Variants in SLC35B3 observed in about 807,000 individuals in gnomAD.
SLC35B3 encodes the protein adenosine 3'-phospho 5'-phosphosulfate transporter 2.
In SLC35B3, 35 loss-of-function variants were observed where a neutral mutation model predicts 44.1. The observed-to-expected ratio is 0.79, with a 90% confidence interval of 0.61 to 1.05. The LOEUF (loss-of-function observed/expected upper bound fraction) is 1.05. Among genes scored for constraint, SLC35B3 ranks in the 50% least tolerant of loss-of-function variants. The probability of loss-of-function intolerance (pLI) is 0.00; values close to 1 mark genes in which losing one functional copy is unlikely to be tolerated. For missense variants in SLC35B3, 414 were observed against 476.4 expected, an observed-to-expected ratio of 0.87 and a Z score of 1.22; for synonymous variants, 146 against 167.3, an observed-to-expected ratio of 0.87 and a Z score of 0.98.
intron 2 of SLC35B3, among the ~76,000 whole-genome samples, chr6:8,431,821 G>T (rs1013534841): frequency 6.6e-6 from 1 of 152,092 alleles, no homozygotes; most frequent in African/African-American, 2.4e-5. Flanking sequence ...TGGATATAGT[G>T]CACCATTCAA....
rs144747158 is a variant in SLC35B3, at chr6:8,417,462, G to A, written c.813C>T (p.Tyr271=). 773 of 1,603,824 alleles carry A rather than the reference G, an allele frequency of 4.8e-4. 4 individuals are homozygous for A. In the African/African-American group the frequency reaches 9.6e-3, roughly 20 times the overall value. ...TAGTGCATGTCAATCCCAGTAAAAT[G>A]TATACAAAACCAATTGAATACGAAT... Residue 271 remains tyrosine (Y), a synonymous_variant, in exon 8 of 11, where the codon TAC becomes TAT. Coordinates refer to ENST00000644923, the MANE Select transcript of SLC35B3 (RefSeq NM_001370476.2).
In SLC35B3 at chr6:8,432,370, CCTG is replaced by C. The variant is rs983620488; in HGVS notation, c.3+2012_3+2014del. ...AAACTTCTAGAAAATATCTTTCTTT[CCTG>C]CTTTTATTGGCATCAAAACATTTCT... On this transcript the variant is annotated intron_variant, in intron 2 of 10. Coordinates refer to ENST00000644923, the MANE Select transcript of SLC35B3 (RefSeq NM_001370476.2). This position sits in a 1 kb window ranked among gnomAD's most constrained non-coding sequence, Gnocchi z 4.8. Among the ~76,000 whole-genome samples the C allele has an allele frequency of 1.3e-5, 2 of 152,056 alleles. No homozygotes were observed. The highest frequency in any genetic ancestry group is 2.9e-5 in the Non-Finnish European group (2 of 68,032).
At position 8,432,792 on chromosome 6, in the gene SLC35B3, G is replaced by A. The variant is rs1481300599; in HGVS notation, c.3+1593C>T. Reference sequence around the variant, plus strand: ...TTAGAAATATTGCTAGGGTGATATGGTGTGCTCAAGCTGACTCACCCCTTT... The same window carrying A: ...TTAGAAATATTGCTAGGGTGATATGATGTGCTCAAGCTGACTCACCCCTTT... On this transcript the variant is annotated intron_variant, in intron 2 of 10. Coordinates refer to ENST00000644923, the MANE Select transcript of SLC35B3 (RefSeq NM_001370476.2). This position sits in a 1 kb window ranked among gnomAD's most constrained non-coding sequence, Gnocchi z 4.8. 6.6e-6 allele frequency among the ~76,000 whole-genome samples: 1 copy of A among 152,138 alleles called. No homozygotes were observed. The highest frequency in any genetic ancestry group is 1.5e-5 in the Non-Finnish European group (1 of 68,026).
chr6:8,434,344 A>G lies in SLC35B3; in HGVS notation c.3+41T>C. The G allele has an allele frequency of 6.3e-7, 1 of 1,592,070 alleles. No individual in the cohort carries two copies. The highest frequency in any genetic ancestry group is 8.6e-7 in the Non-Finnish European group (1 of 1,161,374). ...AACCTGAAAAAACGTGATTTTAACT[A>G]TACTTTGCCACACTCAACGTTACAA... is the stretch of plus-strand genomic sequence containing the variant. On this transcript the variant is annotated intron_variant, in intron 2 of 10. Coordinates refer to ENST00000644923, the MANE Select transcript of SLC35B3 (RefSeq NM_001370476.2). The surrounding 1 kb of genome is among the most constrained non-coding windows in gnomAD (Gnocchi z 6.3).
chr6:8,428,255 A>T (rs1763627023), intron 3 of SLC35B3, among the ~76,000 whole-genome samples, 197 bp from the exon 3 acceptor site: 1 of 152,120 alleles, frequency 6.6e-6, no homozygotes, highest in Admixed American at 6.5e-5. Flanking sequence ...GATGATATAA[A>T]CCTTCTTCTT....
Position 8,432,853 on chromosome 6 carries a change from C to T in SLC35B3, c.3+1532G>A, listed in dbSNP as rs576997436. Among the ~76,000 whole-genome samples, 6 of 152,278 alleles carry T rather than the reference C, an allele frequency of 3.9e-5. No homozygotes were observed. Among genetic ancestry groups the T allele is most frequent in the African/African-American group, 9.6e-5 (4 of 41,556 alleles). On this transcript the variant is annotated intron_variant, in intron 2 of 10. Coordinates refer to ENST00000644923, the MANE Select transcript of SLC35B3 (RefSeq NM_001370476.2). The surrounding 1 kb of genome is among the most constrained non-coding windows in gnomAD (Gnocchi z 4.8). ...TGGAAATACAGACCTGAATTTCCAA[C>T]GCTGCCTTCTCTCCTGAGATCCAGA...
At position 8,413,654 on chromosome 6, in the gene SLC35B3, A is replaced by G; in HGVS notation, c.1101T>C (p.Asn367=). The G allele has an allele frequency of 1.9e-6, 3 of 1,585,144 alleles. No homozygotes were observed. Among genetic ancestry groups the G allele is most frequent in the Non-Finnish European group, 2.6e-6 (3 of 1,159,258 alleles). The change falls in exon 11 of 11, where the codon AAT becomes AAC. Residue 367 remains asparagine (N), a synonymous_variant. Transcript: ENST00000644923. ...TTTTATCCATATTTTTGCTGTAAACATTAAGAAATATACCAAGGACAACTA... is the reference window on the plus strand; with the variant it reads ...TTTTATCCATATTTTTGCTGTAAACGTTAAGAAATATACCAAGGACAACTA...
At chr6:8,414,298 G>A (rs981576038) in intron 10 of SLC35B3, among the ~76,000 whole-genome samples, 1 of 151,988 alleles carries the variant, frequency 6.6e-6, no homozygotes, top group Non-Finnish European at 1.5e-5. Context: ...GTTAAGTTCT[G>A]GGTTTGAAAC....
intron 10 of SLC35B3, among the ~76,000 whole-genome samples, chr6:8,414,233 A>G (rs886413631): frequency 3.9e-5 from 6 of 152,176 alleles, no homozygotes; most frequent in Non-Finnish European, 8.8e-5. Flanking sequence ...ACAAATAATA[A>G]TCTGTAATAT....
chr6:8,435,458 T>TC lies in SLC35B3; in HGVS notation c.-160dup. Reference sequence around the variant, plus strand: ...CATCACCTCCTCTTCCTCCTCCTCCTCGCCCACTCCTGCACTTTCCACCGC... The same window carrying TC: ...CATCACCTCCTCTTCCTCCTCCTCCTCCGCCCACTCCTGCACTTTCCACCGC... On this transcript the variant is annotated 5_prime_UTR_variant, in exon 1 of 11. Coordinates refer to ENST00000644923, the MANE Select transcript of SLC35B3 (RefSeq NM_001370476.2). The surrounding 1 kb of genome is among the most constrained non-coding windows in gnomAD (Gnocchi z 5.5). 1 of 1,165,062 alleles carries TC rather than the reference T, an allele frequency of 8.6e-7. No homozygotes were observed. Among genetic ancestry groups the TC allele is most frequent in the Non-Finnish European group, 1.1e-6 (1 of 879,460 alleles). The allele number at this position is 1,165,062 out of a possible 1,614,324, so 72.2% of individuals were successfully genotyped here.
chr6:8,414,712 A>G (rs921945752), intron 10 of SLC35B3, among the ~76,000 whole-genome samples, 196 bp downstream of exon 9: 2 of 151,572 alleles, frequency 1.3e-5, no homozygotes, highest in Non-Finnish European at 3.0e-5. Context: ...CAGAAGACAC[A>G]CTGATAGTTA....
In SLC35B3 at chr6:8,420,687, C is replaced by A. The variant is rs1470182724; in HGVS notation, c.682+34G>T. 6.7e-7 allele frequency: 1 copy of A among 1,489,310 alleles called. No homozygotes were observed. The allele number at this position is 1,489,310 out of a possible 1,614,324, so 92.3% of individuals were successfully genotyped here. ...AAATTCGTATTCTAAACTAAAAAGC[C>A]TATAAAAGCTAGGAATATAAATAAA... On this transcript the variant is annotated intron_variant, in intron 6 of 10. Coordinates refer to ENST00000644923, the MANE Select transcript of SLC35B3 (RefSeq NM_001370476.2). The surrounding 1 kb of genome is among the most constrained non-coding windows in gnomAD (Gnocchi z 4.4).
intron 4 of SLC35B3, among the ~76,000 whole-genome samples, 192 bp from the exon 4 acceptor site, chr6:8,422,816 T>C (rs1169890892): frequency 1.3e-5 from 2 of 152,158 alleles, no homozygotes; most frequent in Non-Finnish European, 2.9e-5. Context: ...AAAATAACAA[T>C]TTACCTTTAT....
In SLC35B3 at chr6:8,413,593, AT is replaced by A; in HGVS notation, c.1161del (p.Lys387AsnfsTer18). ...GTCCTTGACTTTCTTGCTTCCACTGATTTGTTTATCAAATCATACAGTGATG... is the reference window on the plus strand; with the variant it reads ...GTCCTTGACTTTCTTGCTTCCACTGATTGTTTATCAAATCATACAGTGATG... On this transcript the variant is annotated frameshift_variant, in exon 11 of 11. Transcript: ENST00000644923. LOFTEE classifies it high-confidence loss of function. 6.2e-7 allele frequency: 1 copy of A among 1,609,580 alleles called. No homozygotes were observed. Among genetic ancestry groups the A allele is most frequent in the Non-Finnish European group, 8.5e-7 (1 of 1,178,184 alleles).
Position 8,427,967 on chromosome 6 carries a change from T to G in SLC35B3, c.389A>C (p.Glu130Ala), listed in dbSNP as rs753774868. The G allele has an allele frequency of 2.5e-6, 4 of 1,612,862 alleles. No individual in the cohort carries two copies. The East Asian group carries it at 8.9e-5, about 36-fold the overall frequency. Residue 130 changes from glutamate (E) to alanine (A), a missense_variant, in exon 4 of 11, where the codon GAA becomes GCA. Coordinates refer to ENST00000644923, the MANE Select transcript of SLC35B3 (RefSeq NM_001370476.2). ...CCTTTTGTCCTGAATAAGCTGAAGT[T>G]CTATTAGGCCAAATATGGAGTAAAA...
chr6:8,420,907 A>G lies in SLC35B3; in HGVS notation c.575-79T>C. ...ATATTTGCTCTATGTGTTAAGTAGA[A>G]CATGGATTTGTTTTTTTATATCCAA... On this transcript the variant is annotated intron_variant, in intron 5 of 10. Coordinates refer to ENST00000644923, the MANE Select transcript of SLC35B3 (RefSeq NM_001370476.2). The surrounding 1 kb of genome is among the most constrained non-coding windows in gnomAD (Gnocchi z 4.4). 1 of 1,131,516 alleles carries G rather than the reference A, an allele frequency of 8.8e-7. No individual in the cohort carries two copies. Among genetic ancestry groups the G allele is most frequent in the East Asian group, 2.5e-5 (1 of 40,110 alleles). 70.1% of individuals were successfully genotyped at this position (1,131,516 alleles called of 1,614,324 possible). A position where few individuals can be genotyped will look rare whatever the true frequency, so the allele number is the denominator to read the frequency against.
chr6:8,417,525 G>A lies in SLC35B3; in HGVS notation c.781-31C>T, dbSNP rs752580532. The A allele has an allele frequency of 2.2e-6, 3 of 1,349,404 alleles. No homozygotes were observed. The South Asian group carries it at 4.0e-5, about 18-fold the overall frequency. 83.6% of individuals were successfully genotyped at this position (1,349,404 alleles called of 1,614,324 possible). A position where few individuals can be genotyped will look rare whatever the true frequency, so the allele number is the denominator to read the frequency against. On this transcript the variant is annotated intron_variant, in intron 7 of 10. Transcript: ENST00000644923. ...GCAGATAAAAATAAAGCAGAAAAAA[G>A]TACTATGAAACTGAAAATGGAAGAT...
rs1763822444 is a variant in SLC35B3, at chr6:8,430,103, TG to T, written c.57del (p.Asn19LysfsTer13). 1 of 1,612,872 alleles carries T rather than the reference TG, an allele frequency of 6.2e-7. No individual in the cohort carries two copies. Among genetic ancestry groups the T allele is most frequent in the Non-Finnish European group, 8.5e-7 (1 of 1,179,424 alleles). ...CATTCAATGCTTTCAGAGTTATTTT[TG>T]TTGGTTTCCTGGACTGTTATGTTCT... On this transcript the variant is annotated frameshift_variant, in exon 3 of 11. The change abolishes the stop of an existing upstream ORF in the 5' untranslated region. Coordinates refer to ENST00000644923, the MANE Select transcript of SLC35B3 (RefSeq NM_001370476.2). LOFTEE classifies it high-confidence loss of function.
chr6:8,415,984 C>T (rs1762381330), intron 9 of SLC35B3, among the ~76,000 whole-genome samples: 1 of 152,090 alleles, frequency 6.6e-6, no homozygotes, highest in Non-Finnish European at 1.5e-5. Flanking sequence ...GTCACCATAC[C>T]AGCTTAGAGG....
Sources: allele counts gnomAD v4.1 joint callset (sites outside exome capture counted in the v4.1 genomes callset), GRCh38; gene constraint gnomAD v4.1.1; non-coding constraint Gnocchi (gnomAD v3.1); transcripts MANE v1.5; gene names NCBI Gene and HGNC (gene_info 2026-07-23, HGNC 2026-07-21).